The following SLC16A7 variants were observed in gnomAD, a reference collection of about 807,000 sequenced individuals.
SLC16A7 encodes the protein monocarboxylate transporter 2.
Under a neutral mutation model 34.9 loss-of-function variants are expected in SLC16A7, and 33 were observed. The observed-to-expected ratio is 0.94, with a 90% CI of 0.72 to 1.26. SLC16A7 has a LOEUF of 1.26. Among genes scored for constraint, SLC16A7 ranks in the 50% most tolerant of loss-of-function variants. The pLI is 0.00. For synonymous variants in SLC16A7, 201 were observed against 206.6 expected, an observed-to-expected ratio of 0.97 and a Z score of 0.23; for missense variants, 573 against 578.1, an observed-to-expected ratio of 0.99 and a Z score of 0.09.
chr12:59,598,051 C>T (rs913824334), intron 1 of SLC16A7, among the ~76,000 whole-genome samples: 1 of 152,136 alleles, frequency 6.6e-6, no homozygotes, highest in Non-Finnish European at 1.5e-5. Flanking sequence ...GCAACATTAC[C>T]TAAATAAACC....
At chr12:59,650,153 T>A (rs190908788) in intron 1 of SLC16A7, among the ~76,000 whole-genome samples, 3 of 152,082 alleles carry the variant, frequency 2.0e-5, no homozygotes, top group Non-Finnish European at 4.4e-5. Context: ...TAAAAGGGTA[T>A]AGTCTTACCT....
chr12:59,682,441 A>T (rs1414677428), intron 2 of SLC16A7, among the ~76,000 whole-genome samples: 1 of 152,208 alleles, frequency 6.6e-6, no homozygotes, highest in East Asian at 1.9e-4. Context: ...ATTAGACGCT[A>T]TAGTGAATAT....
At chr12:59,675,970 C>G (rs981938718) in intron 2 of SLC16A7, among the ~76,000 whole-genome samples, 1 of 152,286 alleles carries the variant, frequency 6.6e-6, no homozygotes, top group African/African-American at 2.4e-5. Flanking sequence ...TCTTCCTTCA[C>G]ATAATCTGTT....
chr12:59,756,587 C>T (rs1163907007), intron 3 of SLC16A7, among the ~76,000 whole-genome samples: 5 of 151,718 alleles, frequency 3.3e-5, no homozygotes, highest in Admixed American at 3.3e-4. Context: ...GAATGGCTAT[C>T]ATTAAAAGTC....
chr12:59,746,774 A>G (rs1878939830), intron 3 of SLC16A7, among the ~76,000 whole-genome samples: 1 of 152,216 alleles, frequency 6.6e-6, no homozygotes, highest in Admixed American at 6.5e-5. Flanking sequence ...TCCTTGCAAT[A>G]TGATCCCTAC....
At chr12:59,762,707 C>G (rs554594181) in intron 3 of SLC16A7, among the ~76,000 whole-genome samples, 44 of 151,800 alleles carry the variant, frequency 2.9e-4, no homozygotes, top group African/African-American at 9.4e-4. Flanking sequence ...GCTTGGGAGG[C>G]TGAGGTGGGA....
intron 3 of SLC16A7, among the ~76,000 whole-genome samples, chr12:59,718,111 T>C (rs1875136184): frequency 1.3e-5 from 2 of 152,196 alleles, no homozygotes; most frequent in Non-Finnish European, 2.9e-5. Context: ...AAGGTCAAAA[T>C]TAAATTAGCT....
rs774323320 is a variant in SLC16A7 at position 59,704,830 on chromosome 12, T to G, written c.29T>G (p.Val10Gly). The G allele has an allele frequency of 1.2e-6, 2 of 1,613,774 alleles. No individual in the cohort carries two copies. The highest frequency in any genetic ancestry group is 4.5e-5 in the East Asian group (2 of 44,848). Reference protein sequence around the residue: MPPMPSAPPVHPPPDGGWGW... With the variant: MPPMPSAPPGHPPPDGGWGW... ...CCACCAATGCCAAGTGCCCCACCTG[T>G]GCATCCACCTCCAGATGGAGGATGG... is the stretch of plus-strand genomic sequence containing the variant. Residue 10 changes from valine (V) to glycine (G), a missense_variant, in exon 3 of 6, where the codon GTG becomes GGG. Coordinates refer to ENST00000547379, the MANE Select transcript of SLC16A7 (RefSeq NM_001270623.2).
At chr12:59,767,735 G>C (rs573222948) in intron 3 of SLC16A7, among the ~76,000 whole-genome samples, 2 of 152,182 alleles carry the variant, frequency 1.3e-5, no homozygotes, top group African/African-American at 4.8e-5. Context: ...TGATAGAGAT[G>C]TACAAGGAGG....
chr12:59,731,365 T>A (rs1429903168), intron 3 of SLC16A7, among the ~76,000 whole-genome samples: 4 of 152,192 alleles, frequency 2.6e-5, no homozygotes, highest in African/African-American at 9.7e-5. Flanking sequence ...AAGGATATGA[T>A]CATCATTTTC....
chr12:59,746,712 G>A (rs2062721748), intron 3 of SLC16A7, among the ~76,000 whole-genome samples: 1 of 152,140 alleles, frequency 6.6e-6, no homozygotes, highest in Admixed American at 6.5e-5. Context: ...TTCCTTCAAA[G>A]AATATTGACA....
chr12:59,617,662 T>G (rs1230407651), intron 1 of SLC16A7, among the ~76,000 whole-genome samples: 1 of 151,992 alleles, frequency 6.6e-6, no homozygotes, highest in Non-Finnish European at 1.5e-5. Flanking sequence ...AATTATATGG[T>G]TTATTAAAAT....
rs571808860 is a variant in SLC16A7 at position 59,770,263 on chromosome 12, C to T, written c.218-956C>T. Among the ~76,000 whole-genome samples the T allele has an allele frequency of 1.2e-3, 179 of 152,170 alleles. 1 individual carries two copies. The highest frequency in any genetic ancestry group is 2.3e-3 in the Non-Finnish European group (159 of 67,980). ...CCTAAACCTTCTTCCCTTTCACTACCGGACTCTTCTAAATTACTTTGGAGT... is the reference window on the plus strand; with the variant it reads ...CCTAAACCTTCTTCCCTTTCACTACTGGACTCTTCTAAATTACTTTGGAGT... On this transcript the variant is annotated intron_variant, in intron 3 of 5. Transcript: ENST00000547379.
chr12:59,657,715 A>G (rs1868607807), intron 2 of SLC16A7, among the ~76,000 whole-genome samples: 1 of 152,002 alleles, frequency 6.6e-6, no homozygotes. Context: ...GGGACAATAT[A>G]TTAATTAATT....
chr12:59,659,777 T>C (rs1774165850), intron 2 of SLC16A7, among the ~76,000 whole-genome samples: 1 of 152,086 alleles, frequency 6.6e-6, no homozygotes, highest in Admixed American at 6.6e-5. Flanking sequence ...GATCAGAATC[T>C]GTCTCCTCTG....
intron 1 of SLC16A7, among the ~76,000 whole-genome samples, chr12:59,601,811 C>G (rs1466973938): frequency 2.0e-5 from 3 of 152,144 alleles, no homozygotes. Flanking sequence ...AGTGAGAGCT[C>G]TCTTTTATAA....
intron 3 of SLC16A7, among the ~76,000 whole-genome samples, chr12:59,765,749 T>G (rs1881545446): frequency 6.6e-6 from 1 of 152,198 alleles, no homozygotes; most frequent in South Asian, 2.1e-4. Context: ...TGTAGTATAG[T>G]TTGAAGTCAG....
intron 2 of SLC16A7, among the ~76,000 whole-genome samples, chr12:59,686,272 G>C (rs1871162955): frequency 6.6e-6 from 1 of 151,784 alleles, no homozygotes; most frequent in African/African-American, 2.4e-5. Flanking sequence ...CAGCCGATAA[G>C]AGAACTATTT....
At chr12:59,604,272 C>T (rs1878829525) in intron 1 of SLC16A7, among the ~76,000 whole-genome samples, 2 of 152,232 alleles carry the variant, frequency 1.3e-5, no homozygotes, top group Admixed American at 6.5e-5. Context: ...TAGCGATCTA[C>T]CTCTGGGAGA....
Sources: allele counts gnomAD v4.1 joint callset (sites outside exome capture counted in the v4.1 genomes callset), GRCh38; gene constraint gnomAD v4.1.1; transcripts MANE v1.5; gene names NCBI Gene and HGNC (gene_info 2026-07-23, HGNC 2026-07-21).